The following FBXL18 variants were observed in gnomAD, a reference collection of about 807,000 sequenced individuals.
FBXL18 encodes F-box/LRR-repeat protein 18.
Under a neutral mutation model 46.0 loss-of-function variants are expected in FBXL18, and 36 were observed. That is an observed-to-expected ratio of 0.78 (90% CI 0.60 to 1.03). The LOEUF is 1.03. Ranked by LOEUF, FBXL18 falls within the 50% of genes least tolerant of loss-of-function variation. The pLI, the probability that FBXL18 is intolerant of heterozygous loss-of-function variation, is 0.00. For synonymous variants in FBXL18, 557 were observed against 465.3 expected, an observed-to-expected ratio of 1.20 and a Z score of -2.54; for missense variants, 977 against 1,004.1, an observed-to-expected ratio of 0.97 and a Z score of 0.36.
chr7:5,462,968 AAATATATAT>A lies in FBXL18; in HGVS notation c.2001-15134_2001-15126del, dbSNP rs1302072515. Among the ~76,000 whole-genome samples, 94 of 15,570 alleles carry A rather than the reference AAATATATAT, an allele frequency of 6.0e-3. 1 individual carries two copies. In the South Asian group the frequency reaches 0.068, roughly 11 times the overall value. The allele number at this position is 15,570 out of a possible 152,430, so 10.2% of individuals were successfully genotyped here. ...TTGGTCTCAAAAAAAAAAAAAAAAA[AAATATATAT>A]ATATATATATATATATATAATATAT... On this transcript the variant is annotated intron_variant and NMD_transcript_variant, in intron 4 of 6. Transcript: ENST00000415009.
chr7:5,465,629 T>G (rs1030281324), intron 4 of FBXL18, among the ~76,000 whole-genome samples: 11 of 151,894 alleles, frequency 7.2e-5, no homozygotes, highest in African/African-American at 2.7e-4. Flanking sequence ...AGAGCAAGAC[T>G]GTGTCTCAAA....
chr7:5,463,704 A>ATATATATATATATATTTTTTTTTTTT (rs1562672177), intron 4 of FBXL18, among the ~76,000 whole-genome samples: 1 of 43,986 alleles, frequency 2.3e-5, no homozygotes. Context: ...CTATATATAT[A>ATATATATATATATATTTTTTTTTTTT]TTTATTTATT....
At chr7:5,458,270 TAG>T (rs1402616643) in intron 4 of FBXL18, among the ~76,000 whole-genome samples, 2 of 152,110 alleles carry the variant, frequency 1.3e-5, no homozygotes, top group Non-Finnish European at 2.9e-5. Flanking sequence ...TTGCTCTGTA[TAG>T]AGAGGTTTCT....
At position 5,501,176 on chromosome 7, in the gene FBXL18, T is replaced by C; in HGVS notation, c.1093A>G (p.Lys365Glu). The C allele has an allele frequency of 1.2e-6, 2 of 1,613,278 alleles. No homozygotes were observed. The highest frequency in any genetic ancestry group is 1.7e-6 in the Non-Finnish European group (2 of 1,179,748). The change falls in exon 3 of 5, where the codon AAG becomes GAG. Residue 365 changes from lysine (K) to glutamate (E), a missense_variant. Lys to Glu is a moderately conservative substitution (Grantham distance 56). Coordinates refer to ENST00000382368, the MANE Select transcript of FBXL18 (RefSeq NM_024963.6). ...HCLSPDSLLR[K>E]AEDDIDSSIL... The stretch of plus-strand genomic sequence containing the variant: ...CTGCTGTCGATGTCGTCCTCCGCCT[T>C]GCGGAGCAGCGAGTCTGGGGACAGG...
Position 5,501,227 on chromosome 7 carries a change from A to C in FBXL18, c.1042T>G (p.Leu348Val), listed in dbSNP as rs1784242654. The C allele has an allele frequency of 1.9e-6, 3 of 1,613,522 alleles. No homozygotes were observed. The highest frequency in any genetic ancestry group is 1.7e-6 in the Non-Finnish European group (2 of 1,179,882). The stretch of plus-strand genomic sequence containing the variant: ...CAGTGGACGCAGCCGCTGAGGTTCA[A>C]GCTGGCCAGGCTCCGCAGGTCCTTC... Reference protein sequence around the residue: ...GGKDLRSLASLNLSGCVHCLS... With the variant: ...GGKDLRSLASVNLSGCVHCLS... Residue 348 changes from leucine (L) to valine (V), a missense_variant, in exon 3 of 5, where the codon TTG (leucine) becomes GTG (valine). Coordinates refer to ENST00000382368, the MANE Select transcript of FBXL18 (RefSeq NM_024963.6).
intron 4 of FBXL18, among the ~76,000 whole-genome samples, chr7:5,486,893 C>T (rs562911573): frequency 2.0e-5 from 3 of 152,334 alleles, no homozygotes; most frequent in African/African-American, 7.2e-5. Flanking sequence ...CACAACAGCC[C>T]GGGGCCAGGT....
downstream of FBXL18, among the ~76,000 whole-genome samples, chr7:5,473,692 C>T (rs1783463081): frequency 6.8e-6 from 1 of 146,332 alleles, no homozygotes; most frequent in South Asian, 2.1e-4. Context: ...ACTCGGGAGG[C>T]AGAGGTTGCA....
At position 5,501,399 on chromosome 7, in the gene FBXL18, G is replaced by A. The variant is rs375170883; in HGVS notation, c.870C>T (p.Val290=). ...KNLLDSMARN[V]VLDALQLPKS... ...TGGGCAGCTGCAGGGCATCCAGCAC[G>A]ACATTGCGCGCCATGGAGTCCAGGA... The change falls in exon 3 of 5, where the codon GTC becomes GTT. Residue 290 remains valine (V), a synonymous_variant. Transcript: ENST00000382368. 4.3e-6 allele frequency: 7 copies of A among 1,613,650 alleles called. No individual in the cohort carries two copies. Among genetic ancestry groups the A allele is most frequent in the Admixed American group, 1.7e-5 (1 of 59,982 alleles).
At chr7:5,503,597 T>C (rs1424711609) in intron 2 of FBXL18, among the ~76,000 whole-genome samples, 1 of 151,860 alleles carries the variant, frequency 6.6e-6, no homozygotes, top group Middle Eastern at 3.2e-3. Flanking sequence ...TGAGTTCATG[T>C]GATCCACCTG....
intron 4 of FBXL18, among the ~76,000 whole-genome samples, chr7:5,487,150 G>C (rs1783797308): frequency 1.3e-5 from 2 of 152,196 alleles, no homozygotes. Flanking sequence ...CCCTGGGCTG[G>C]AAAGCCCAGG....
intron 2 of FBXL18, among the ~76,000 whole-genome samples, chr7:5,503,840 G>A (rs1784327292): frequency 6.6e-6 from 1 of 151,900 alleles, no homozygotes. Context: ...GGTGGCAGGC[G>A]CCTGTAATCC....
intron 1 of FBXL18, among the ~76,000 whole-genome samples, chr7:5,509,992 C>G (rs969908084): frequency 6.6e-6 from 1 of 151,980 alleles, no homozygotes; most frequent in African/African-American, 2.4e-5. Flanking sequence ...GTGGCAAGCT[C>G]TGGAGAGGAA....
chr7:5,477,693 A>T lies in FBXL18; in HGVS notation c.*4082T>A, dbSNP rs548838454. ...TGCACTCCAGCCTGGGGGACAAAGC[A>T]AGACTCCCTCTCAAAAAAAAAAAAA... On this transcript the variant is annotated 3_prime_UTR_variant, in exon 5 of 5. Coordinates refer to ENST00000382368, the MANE Select transcript of FBXL18 (RefSeq NM_024963.6). This position sits in a 1 kb window ranked among gnomAD's most constrained non-coding sequence, Gnocchi z 4.4. The T allele has an allele frequency of 6.6e-6, 1 of 152,168 alleles. No homozygotes were observed. Among genetic ancestry groups the T allele is most frequent in the Non-Finnish European group, 1.5e-5 (1 of 67,994 alleles). The allele number at this position is 152,168 out of a possible 1,614,324, so 9.4% of individuals were successfully genotyped here.
chr7:5,513,661 C>T lies in FBXL18; in HGVS notation c.14G>A (p.Gly5Glu). Reference protein sequence around the residue: MASSGEDISNDDDDM... With the variant: MASSEEDISNDDDDM... The stretch of plus-strand genomic sequence containing the variant: ...GGAGACAGTCGCGGACAGTACCTCT[C>T]CGGAGCTGGCCATGTCGCCGGCGGG... The change falls in exon 1 of 5, where the codon GGA (glycine) becomes GAA (glutamate). Residue 5 changes from glycine (G) to glutamate (E), a missense_variant. Physicochemically the swap from Gly to Glu is moderately conservative, Grantham distance 98. Transcript: ENST00000382368. 2 of 1,610,550 alleles carry T rather than the reference C, an allele frequency of 1.2e-6. No individual in the cohort carries two copies. The highest frequency in any genetic ancestry group is 1.7e-6 in the Non-Finnish European group (2 of 1,178,544).
intron 4 of FBXL18, 86 bp downstream of exon 4, chr7:5,491,145 G>A: frequency 4.0e-6 from 5 of 1,245,374 alleles, no homozygotes; most frequent in Middle Eastern, 1.9e-4. Context: ...ACCACTGGTA[G>A]GCACTCGGTG....
chr7:5,511,614 A>AG lies in FBXL18; in HGVS notation c.18+2042_18+2043insC, dbSNP rs934959414. On this transcript the variant is annotated intron_variant, in intron 1 of 4. Transcript: ENST00000382368. ...AGGTGAAACTCCGTCTCAAAAAAAA[A>AG]AAAATCAGCCAGGTGTGGTGGTGGG... Among the ~76,000 whole-genome samples, 14 of 151,804 alleles carry AG rather than the reference A, an allele frequency of 9.2e-5. No individual in the cohort carries two copies. In the East Asian group the frequency reaches 9.7e-4, roughly 11 times the overall value.
At position 5,481,554 on chromosome 7, in the gene FBXL18, C is replaced by T. The variant is rs1308114878; in HGVS notation, c.*221G>A. ...CCCCCACATCGACCGTCCCCCGAGC[C>T]CCCTCATGTCACCCAGAACGCATCC... On this transcript the variant is annotated 3_prime_UTR_variant, in exon 5 of 5. Transcript: ENST00000382368. 6.3e-5 allele frequency: 33 copies of T among 523,234 alleles called. 1 individual carries two copies. In the South Asian group the frequency reaches 6.7e-4, roughly 11 times the overall value. The allele number at this position is 523,234 out of a possible 1,614,324, so 32.4% of individuals were successfully genotyped here.
intron 4 of FBXL18, among the ~76,000 whole-genome samples, chr7:5,485,930 A>G (rs1341714293): frequency 1.3e-5 from 2 of 152,012 alleles, no homozygotes; most frequent in African/African-American, 4.8e-5. Flanking sequence ...GTGGTGGCAC[A>G]CGCCTGTAAT....
intron 4 of FBXL18, among the ~76,000 whole-genome samples, chr7:5,463,702 A>ATATATATATATT (rs1479898344): frequency 2.0e-4 from 14 of 69,028 alleles, no homozygotes; most frequent in East Asian, 4.0e-4. Flanking sequence ...AACTATATAT[A>ATATATATATATT]TATTTATTTA....
Sources: allele counts gnomAD v4.1 joint callset (sites outside exome capture counted in the v4.1 genomes callset), GRCh38; gene constraint gnomAD v4.1.1; non-coding constraint Gnocchi (gnomAD v3.1); transcripts MANE v1.5; gene names NCBI Gene and HGNC (gene_info 2026-07-23, HGNC 2026-07-21).